ACTR3: variants seen among roughly 807,000 people sequenced by gnomAD.
ACTR3 encodes the protein actin related protein 3, also known as actin-related protein 3.
ACTR3 carries 12 observed loss-of-function variants against 56.8 expected under a neutral mutation model. The ratio of observed to expected loss-of-function variants is 0.21; its 90% CI spans 0.14 to 0.34. The LOEUF (loss-of-function observed/expected upper bound fraction) is 0.34, where lower values mean the gene tolerates loss of function less well. Among genes scored for constraint, ACTR3 ranks in the 10% least tolerant of loss-of-function variants. The pLI, the probability that ACTR3 is intolerant of heterozygous loss-of-function variation, is 1.00. For missense variants in ACTR3, 282 were observed against 512.5 expected (o/e 0.55, Z 4.34); for synonymous variants, 162 against 167.4 (o/e 0.97, Z 0.25).
chr2:113,909,258 TG>T (rs2104589903), intron 1 of ACTR3, among the ~76,000 whole-genome samples: 1 of 152,330 alleles, frequency 6.6e-6, no homozygotes, highest in African/African-American at 2.4e-5. Context: ...ATTTTTGTTT[TG>T]ATTACATATT....
At chr2:113,891,972 C>T (rs1045487841) in intron 1 of ACTR3, among the ~76,000 whole-genome samples, 2 of 152,086 alleles carry the variant, frequency 1.3e-5, no homozygotes, top group Non-Finnish European at 2.9e-5. Flanking sequence ...TGGCCTGAGT[C>T]AGTAGGATAG....
intron 8 of ACTR3, among the ~76,000 whole-genome samples, chr2:113,946,935 A>T (rs1228337570): frequency 6.6e-6 from 1 of 152,204 alleles, no homozygotes; most frequent in South Asian, 2.1e-4. Context: ...TCCAAACAGG[A>T]TTGAAATATT....
At chr2:113,940,626 A>C (rs904312806) in intron 7 of ACTR3, among the ~76,000 whole-genome samples, 2 of 152,070 alleles carry the variant, frequency 1.3e-5, no homozygotes, top group African/African-American at 4.8e-5. Flanking sequence ...TGCTTCATGC[A>C]AACTATCAAA....
chr2:113,911,314 G>C (rs1183561653), intron 1 of ACTR3, among the ~76,000 whole-genome samples: 1 of 150,714 alleles, frequency 6.6e-6, no homozygotes, highest in East Asian at 1.9e-4. Context: ...TTTAAAACGT[G>C]AACAGTGGGG....
At chr2:113,935,938 G>C (rs1313986292) in intron 6 of ACTR3, among the ~76,000 whole-genome samples, 1 of 152,098 alleles carries the variant, frequency 6.6e-6, no homozygotes, top group Non-Finnish European at 1.5e-5. Context: ...AATTAGAATA[G>C]GTAATTTGCA....
chr2:113,930,154 A>C (rs1161720666), intron 4 of ACTR3, among the ~76,000 whole-genome samples: 2 of 151,222 alleles, frequency 1.3e-5, no homozygotes, highest in Non-Finnish European at 3.0e-5. Context: ...TTTTATGTAG[A>C]TTTTTTTTCT....
chr2:113,900,581 C>CTT (rs1679082168), intron 1 of ACTR3, among the ~76,000 whole-genome samples: 1 of 152,160 alleles, frequency 6.6e-6, no homozygotes, highest in Non-Finnish European at 1.5e-5. Context: ...AAATGTTTAC[C>CTT]AAATACTTAG....
intron 3 of ACTR3, among the ~76,000 whole-genome samples, chr2:113,924,296 C>T (rs1679576596): frequency 1.3e-5 from 2 of 151,324 alleles, no homozygotes; most frequent in African/African-American, 4.9e-5. Context: ...AGGCTGGTCT[C>T]AAACTCCTGG....
chr2:113,916,111 C>T (rs1467161830), intron 2 of ACTR3, among the ~76,000 whole-genome samples: 1 of 152,008 alleles, frequency 6.6e-6, no homozygotes, highest in Admixed American at 6.6e-5. Context: ...TTTTTTCTTC[C>T]AGTTATTTTC....
At chr2:113,892,218 TA>T (rs1388628787) in intron 1 of ACTR3, among the ~76,000 whole-genome samples, 1 of 152,246 alleles carries the variant, frequency 6.6e-6, no homozygotes, top group Non-Finnish European at 1.5e-5. Flanking sequence ...CCTCCTTTCC[TA>T]AAGGGCAACC....
intron 9 of ACTR3, 30 bp downstream of exon 9, chr2:113,951,601 C>T: frequency 6.3e-7 from 1 of 1,581,556 alleles, no homozygotes; most frequent in African/African-American, 1.3e-5. Context: ...TATTCAAGGT[C>T]TTACTTTAAA....
At chr2:113,900,334 T>A (rs1679078197) in intron 1 of ACTR3, among the ~76,000 whole-genome samples, 1 of 152,218 alleles carries the variant, frequency 6.6e-6, no homozygotes, top group Non-Finnish European at 1.5e-5. Flanking sequence ...ACTTTCTGTC[T>A]TTATGGATTT....
chr2:113,895,059 T>TCCCCCCCCCCCCCCCCCCCCC (rs61667793), intron 1 of ACTR3, among the ~76,000 whole-genome samples: 3 of 111,364 alleles, frequency 2.7e-5, no homozygotes, highest in Non-Finnish European at 5.5e-5. Flanking sequence ...TGGTTTAGGT[T>TCCCCCCCCCCCCCCCCCCCCC]CCCCCCCCCC....
chr2:113,926,146 A>T (rs539791294), intron 3 of ACTR3, among the ~76,000 whole-genome samples: 1 of 152,246 alleles, frequency 6.6e-6, no homozygotes, highest in African/African-American at 2.4e-5. Context: ...CTGGAATCAG[A>T]TGGGACATTG....
At chr2:113,935,111 A>G (rs1679800231) in intron 6 of ACTR3, among the ~76,000 whole-genome samples, 1 of 151,864 alleles carries the variant, frequency 6.6e-6, no homozygotes, top group African/African-American at 2.4e-5. Context: ...CCTCAGGGTG[A>G]CTACCTTTGG....
intron 1 of ACTR3, among the ~76,000 whole-genome samples, chr2:113,906,849 A>G (rs965917670): frequency 2.6e-5 from 4 of 152,158 alleles, no homozygotes; most frequent in Non-Finnish European, 5.9e-5. Flanking sequence ...TTTGGTCACT[A>G]TAGCTTTGTA....
At chr2:113,904,557 T>TA (rs1349094756) in intron 1 of ACTR3, 1 of 152,256 alleles carries the variant, frequency 6.6e-6, no homozygotes, top group Non-Finnish European at 1.5e-5. Context: ...GTTGTGAACA[T>TA]ACATGTACAC....
At chr2:113,943,924 C>A (rs1679969463) in intron 8 of ACTR3, among the ~76,000 whole-genome samples, 1 of 152,108 alleles carries the variant, frequency 6.6e-6, no homozygotes, top group Non-Finnish European at 1.5e-5. Context: ...AAGAATAGGG[C>A]CTTCGTGAAC....
In ACTR3 at chr2:113,945,013, C is replaced by A. The variant is rs182999845; in HGVS notation, c.858+2654C>A. ...TTACAGCATAGAGGAGAGAGCAAGT[C>A]CTGAAAGCTGAATTACCTAGGGATA... On this transcript the variant is annotated intron_variant, in intron 8 of 11. Coordinates refer to ENST00000263238, the MANE Select transcript of ACTR3 (RefSeq NM_005721.5). Among the ~76,000 whole-genome samples, 227 of 152,122 alleles carry A rather than the reference C, an allele frequency of 1.5e-3. 4 individuals carry two copies. Among genetic ancestry groups the A allele is most frequent in the Admixed American group, 9.0e-3 (137 of 15,276 alleles).
Sources: gnomAD v4.1 joint callset for allele counts (sites outside exome capture counted in the v4.1 genomes callset) on GRCh38, gnomAD v4.1.1 for gene constraint, MANE v1.5 for transcripts, NCBI Gene and HGNC (gene_info 2026-07-23, HGNC 2026-07-21) for gene names.